Variants in OTOP1 observed in about 807,000 individuals in gnomAD.
The protein encoded by OTOP1 is proton channel OTOP1.
OTOP1 carries 59 observed loss-of-function variants against 52.9 expected under a neutral mutation model. That is an observed-to-expected ratio of 1.12 (90% CI 0.91 to 1.39). OTOP1 has a LOEUF of 1.39. OTOP1 is among the 40% of genes most tolerant of loss of function. The probability of loss-of-function intolerance (pLI) is 0.00; values close to 1 mark genes in which losing one functional copy is unlikely to be tolerated. For synonymous variants in OTOP1, 317 were observed against 337.7 expected (o/e 0.94, Z 0.67); for missense variants, 761 against 800.9 (o/e 0.95, Z 0.60).
intron 3 of OTOP1, among the ~76,000 whole-genome samples, chr4:4,204,938 T>G (rs921950279): frequency 1.3e-4 from 19 of 151,672 alleles, no homozygotes; most frequent in African/African-American, 3.4e-4. Context: ...ACACAGCTAA[T>G]TTTTTTTGTA....
intron 1 of OTOP1, among the ~76,000 whole-genome samples, chr4:4,217,878 T>C (rs116295525): frequency 0.014 from 2,193 of 152,182 alleles, 55 homozygotes; most frequent in African/African-American, 0.05. Flanking sequence ...GAGCAAATTA[T>C]AGTGACCAAT....
chr4:4,188,813 C>A lies in OTOP1; in HGVS notation c.1829G>T (p.Cys610Phe). The A allele has an allele frequency of 2.5e-6, 4 of 1,612,728 alleles. No individual in the cohort carries two copies. The highest frequency in any genetic ancestry group is 2.5e-6 in the Non-Finnish European group (3 of 1,179,244). ...HAAASLFEVY[C>F]KI ...TCTTGTGGACCCAGACTATATCTTA[C>A]AATAGACCTCAAAGAGGGAGGCAGC... Residue 610 changes from cysteine (C) to phenylalanine (F), a missense_variant, in exon 6 of 6, where the codon TGT becomes TTT. Physicochemically the swap from Cys to Phe is radical, Grantham distance 205 (BLOSUM62 -2). Around this residue, in one of 3 missense-constraint regions of OTOP1, gnomAD observed 632 missense variants for 619.5 expected, o/e 1.02. Coordinates refer to ENST00000296358, the MANE Select transcript of OTOP1 (RefSeq NM_177998.3).
chr4:4,193,106 C>T (rs1426961648), intron 5 of OTOP1, among the ~76,000 whole-genome samples: 2 of 152,080 alleles, frequency 1.3e-5, no homozygotes, highest in Admixed American at 6.6e-5. Flanking sequence ...CAGTGTAGAC[C>T]CTTCCATGGT....
In OTOP1 at chr4:4,188,827, G is replaced by A. The variant is rs771250229; in HGVS notation, c.1815C>T (p.Leu605=). Residue 605 remains leucine, a synonymous_variant, in exon 6 of 6, where the codon CTC becomes CTT. Transcript: ENST00000296358. ...IFYRMHAAAS[L]FEVYCKI Reference sequence around the variant, plus strand: ...ACTATATCTTACAATAGACCTCAAAGAGGGAGGCAGCTGCGTGCATTCGAT... The same window carrying A: ...ACTATATCTTACAATAGACCTCAAAAAGGGAGGCAGCTGCGTGCATTCGAT... 14 of 1,613,688 alleles carry A rather than the reference G, an allele frequency of 8.7e-6. No homozygotes were observed. The highest frequency in any genetic ancestry group is 1.2e-5 in the Non-Finnish European group (14 of 1,179,772).
At position 4,202,440 on chromosome 4, in the gene OTOP1, C is replaced by T; in HGVS notation, c.730+8G>A. On this transcript the variant is annotated splice_region_variant and intron_variant, in intron 4 of 5. Coordinates refer to ENST00000296358, the MANE Select transcript of OTOP1 (RefSeq NM_177998.3). Reference sequence around the variant, plus strand: ...GCAGAAGGGCCACTCACCTCTCTCACCACTCACCTGTTGTTATGTTCCCAA... The same window carrying T: ...GCAGAAGGGCCACTCACCTCTCTCATCACTCACCTGTTGTTATGTTCCCAA... The T allele has an allele frequency of 6.2e-7, 1 of 1,613,404 alleles. No homozygotes were observed. Among genetic ancestry groups the T allele is most frequent in the Non-Finnish European group, 8.5e-7 (1 of 1,179,486 alleles).
At chr4:4,206,790 T>C (rs999442015) in intron 2 of OTOP1, among the ~76,000 whole-genome samples, 2 of 152,206 alleles carry the variant, frequency 1.3e-5, no homozygotes, top group Non-Finnish European at 2.9e-5. Flanking sequence ...CCCTAGAGGA[T>C]GTTGTGAGCA....
intron 1 of OTOP1, among the ~76,000 whole-genome samples, chr4:4,215,477 T>C (rs1717121963): frequency 6.6e-6 from 1 of 151,896 alleles, no homozygotes; most frequent in Non-Finnish European, 1.5e-5. Context: ...GCCTGACCAA[T>C]GTGGAGAAAC....
At position 4,203,888 on chromosome 4, in the gene OTOP1, T is replaced by C. The variant is rs142275217; in HGVS notation, c.600-1310A>G. 8.7e-4 allele frequency among the ~76,000 whole-genome samples: 133 copies of C among 152,344 alleles called. 1 individual carries two copies. Among genetic ancestry groups the C allele is most frequent in the African/African-American group, 3.1e-3 (128 of 41,580 alleles). On this transcript the variant is annotated intron_variant, in intron 3 of 5. Coordinates refer to ENST00000296358, the MANE Select transcript of OTOP1 (RefSeq NM_177998.3). Reference sequence around the variant, plus strand: ...TGCCTGGCTGGGTGGGGCAGATCCATGGAACCTTCCAAAACCACAGAATCT... The same window carrying C: ...TGCCTGGCTGGGTGGGGCAGATCCACGGAACCTTCCAAAACCACAGAATCT...
intron 1 of OTOP1, among the ~76,000 whole-genome samples, chr4:4,215,865 C>T (rs1278694991): frequency 6.6e-6 from 1 of 152,078 alleles, no homozygotes; most frequent in African/African-American, 2.4e-5. Flanking sequence ...ACGATCTTGG[C>T]TCACTGCAAC....
At chr4:4,214,635 T>C (rs1190684716) in intron 1 of OTOP1, among the ~76,000 whole-genome samples, 1 of 152,140 alleles carries the variant, frequency 6.6e-6, no homozygotes, top group African/African-American at 2.4e-5. Context: ...AGGAAAGAAA[T>C]TCTGACACAC....
chr4:4,226,501 G>A lies in OTOP1; in HGVS notation c.364C>T (p.Arg122Cys), dbSNP rs748107101. 1 of 1,579,042 alleles carries A rather than the reference G, an allele frequency of 6.3e-7. No homozygotes were observed. The highest frequency in any genetic ancestry group is 8.5e-7 in the Non-Finnish European group (1 of 1,169,980). ...GCACCCGCGTGCGTGTCCTTGAGGC[G>A]GAAGAGGCGGCGGTGCGCGGAGCTG... ...GRSSAHRRLF[R>C]LKDTHAGAGW... The change falls in exon 1 of 6, where the codon CGC becomes TGC. Residue 122 changes from arginine (R) to cysteine (C), a missense_variant. Arg to Cys is a radical substitution (Grantham distance 180). Coordinates refer to ENST00000296358, the MANE Select transcript of OTOP1 (RefSeq NM_177998.3).
intron 5 of OTOP1, among the ~76,000 whole-genome samples, chr4:4,195,396 C>T (rs1716599263): frequency 6.6e-6 from 1 of 152,226 alleles, no homozygotes; most frequent in Admixed American, 6.5e-5. Flanking sequence ...CCCTTGCCAC[C>T]TTCCATCAGA....
chr4:4,210,622 G>C (rs1159632009), intron 2 of OTOP1, among the ~76,000 whole-genome samples: 1 of 152,180 alleles, frequency 6.6e-6, no homozygotes, highest in Non-Finnish European at 1.5e-5. Context: ...CCTGAGGTCA[G>C]GAGTTCGAGA....
rs1315518160 is a variant in OTOP1, at chr4:4,226,895, G to A, written c.-31C>T. 53 of 1,297,944 alleles carry A rather than the reference G, an allele frequency of 4.1e-5. No individual in the cohort carries two copies. The highest frequency in any genetic ancestry group is 4.9e-5 in the Non-Finnish European group (50 of 1,026,030). 80.4% of individuals were successfully genotyped at this position (1,297,944 alleles called of 1,614,324 possible). On this transcript the variant is annotated 5_prime_UTR_variant, in exon 1 of 6. Coordinates refer to ENST00000296358, the MANE Select transcript of OTOP1 (RefSeq NM_177998.3). ...AGACACCCGCGCCAAGTCTGGTCCCGGGGGTGGCTGCCGTCGGGCCCCGCC... is the reference window on the plus strand; with the variant it reads ...AGACACCCGCGCCAAGTCTGGTCCCAGGGGTGGCTGCCGTCGGGCCCCGCC...
chr4:4,206,052 C>A lies in OTOP1; in HGVS notation c.599+20G>T, dbSNP rs747275692. Reference sequence around the variant, plus strand: ...TGAATGCCAAATTCAACATATAAAGCAATTACCCACAATTTTTACCTTTCC... The same window carrying A: ...TGAATGCCAAATTCAACATATAAAGAAATTACCCACAATTTTTACCTTTCC... On this transcript the variant is annotated intron_variant, in intron 3 of 5. Transcript: ENST00000296358. 3.2e-6 allele frequency: 5 copies of A among 1,581,002 alleles called. No individual in the cohort carries two copies. Among genetic ancestry groups the A allele is most frequent in the African/African-American group, 1.3e-5 (1 of 74,088 alleles).
At chr4:4,199,023 T>C (rs1354350753) in intron 4 of OTOP1, among the ~76,000 whole-genome samples, 6 of 152,054 alleles carry the variant, frequency 3.9e-5, no homozygotes, top group Non-Finnish European at 8.8e-5. Context: ...AAACCTCGTC[T>C]CTATTAAAAC....
intron 1 of OTOP1, among the ~76,000 whole-genome samples, chr4:4,215,172 G>A (rs550685190): frequency 9.2e-5 from 14 of 152,280 alleles, no homozygotes; most frequent in Non-Finnish European, 1.8e-4. Context: ...AAAACTAGAA[G>A]GCAGGTGCTG....
At chr4:4,213,398 A>C (rs1717066066) in intron 1 of OTOP1, among the ~76,000 whole-genome samples, 1 of 152,256 alleles carries the variant, frequency 6.6e-6, no homozygotes, top group Non-Finnish European at 1.5e-5. Flanking sequence ...GATGAACTAC[A>C]TGAAAATGAA....
At chr4:4,218,885 T>C (rs2916428) in intron 1 of OTOP1, among the ~76,000 whole-genome samples, 74,129 of 151,450 alleles carry the variant, frequency 0.49, 19,939 homozygotes, top group Non-Finnish European at 0.62. Context: ...GCCAAGATCA[T>C]GCCACTGCAC....
Sources: gnomAD v4.1 joint callset for allele counts (sites outside exome capture counted in the v4.1 genomes callset) on GRCh38, gnomAD v4.1.1 for gene constraint, gnomAD v4.1.1 regional missense constraint, MANE v1.5 for transcripts, NCBI Gene and HGNC (gene_info 2026-07-23, HGNC 2026-07-21) for gene names.